EPC2: variants seen among roughly 807,000 people sequenced by gnomAD.
EPC2 encodes the protein enhancer of polycomb 2, also known as enhancer of polycomb homolog 2.
EPC2 carries 14 observed loss-of-function variants against 92.1 expected under a neutral mutation model. The ratio of observed to expected loss-of-function variants is 0.15; its 90% CI spans 0.10 to 0.24. EPC2 has a LOEUF of 0.24. Among genes scored for constraint, EPC2 ranks in the 10% least tolerant of loss-of-function variants. The probability of loss-of-function intolerance (pLI) is 1.00; values close to 1 mark genes in which losing one functional copy is unlikely to be tolerated. For missense variants in EPC2, 755 were observed against 971.5 expected, an observed-to-expected ratio of 0.78 and a Z score of 2.96; for synonymous variants, 340 against 334.7, an observed-to-expected ratio of 1.02 and a Z score of -0.17.
intron 1 of EPC2, among the ~76,000 whole-genome samples, chr2:148,678,405 C>T (rs976003387): frequency 6.6e-6 from 1 of 152,246 alleles, no homozygotes; most frequent in African/African-American, 2.4e-5. Context: ...CACCCGCATT[C>T]CTCAGCCCTT....
rs61215161 is a variant in EPC2, at chr2:148,717,193, A to AT, written c.314-26409dup. The stretch of plus-strand genomic sequence containing the variant: ...AAAAAAACAACTCCTGGATTCATTG[A>AT]TTTTTTTTTTTTTTTTTTTTGAGGA... On this transcript the variant is annotated intron_variant, in intron 2 of 13. Coordinates refer to ENST00000258484, the MANE Select transcript of EPC2 (RefSeq NM_015630.4). 5.8e-3 allele frequency among the ~76,000 whole-genome samples: 588 copies of AT among 100,866 alleles called. 8 individuals carry two copies. Among genetic ancestry groups the AT allele is most frequent in the East Asian group, 0.025 (90 of 3,632 alleles). 66.2% of individuals were successfully genotyped at this position (100,866 alleles called of 152,430 possible). A position where few individuals can be genotyped will look rare whatever the true frequency, so the allele number is the denominator to read the frequency against.
At chr2:148,786,203 T>G in intron 13 of EPC2, 102 bp from the exon 14 acceptor site, 1 of 964,492 alleles carries the variant, frequency 1.0e-6, no homozygotes, top group Non-Finnish European at 1.6e-6. Flanking sequence ...GAAGTCATGT[T>G]TAGTTGTAAT....
intron 10 of EPC2, among the ~76,000 whole-genome samples, chr2:148,775,315 C>A (rs559177702): frequency 3.9e-4 from 59 of 152,044 alleles, no homozygotes; most frequent in African/African-American, 1.4e-3. Context: ...ATAGCACATG[C>A]AAATATTACA....
chr2:148,750,881 G>A (rs1405360580), intron 3 of EPC2, among the ~76,000 whole-genome samples: 1 of 152,132 alleles, frequency 6.6e-6, no homozygotes, highest in Non-Finnish European at 1.5e-5. Flanking sequence ...TAAAAAAGAA[G>A]TTGTGTAGCA....
rs1184327238 is a variant in EPC2, at chr2:148,740,570, C to A, written c.314-3052C>A. Reference sequence around the variant, plus strand: ...TATTTCCCAGCTTTTCTTGTTCCTTCCCCTGCCTCACAAGCTGGGGTGCTG... The same window carrying A: ...TATTTCCCAGCTTTTCTTGTTCCTTACCCTGCCTCACAAGCTGGGGTGCTG... On this transcript the variant is annotated intron_variant, in intron 2 of 13. Coordinates refer to ENST00000258484, the MANE Select transcript of EPC2 (RefSeq NM_015630.4). Among the ~76,000 whole-genome samples, 9 of 152,200 alleles carry A rather than the reference C, an allele frequency of 5.9e-5. No individual in the cohort carries two copies. The South Asian group carries it at 1.7e-3, about 28-fold the overall frequency.
At chr2:148,646,836 G>A (rs971928837) in intron 1 of EPC2, among the ~76,000 whole-genome samples, 1 of 152,062 alleles carries the variant, frequency 6.6e-6, no homozygotes, top group Non-Finnish European at 1.5e-5. Context: ...TCTAGGCCGG[G>A]CACGGTGGGT....
chr2:148,684,953 A>T (rs1386550796), intron 1 of EPC2, among the ~76,000 whole-genome samples: 1 of 152,132 alleles, frequency 6.6e-6, no homozygotes, highest in East Asian at 1.9e-4. Context: ...GTCTCATAAA[A>T]TTTTTTAAAC....
intron 2 of EPC2, among the ~76,000 whole-genome samples, chr2:148,733,954 AATT>A (rs1682699075): frequency 6.6e-6 from 1 of 152,190 alleles, no homozygotes; most frequent in South Asian, 2.1e-4. Flanking sequence ...CCAAAGAAAT[AATT>A]AGAATCCACT....
chr2:148,783,497 A>G (rs1683797025), intron 11 of EPC2, 100 bp from the exon 12 acceptor site: 1 of 1,109,510 alleles, frequency 9.0e-7, no homozygotes, highest in Non-Finnish European at 1.3e-6. Context: ...TAATTGTTCA[A>G]GGTTAGAAAG....
chr2:148,786,419 C>T lies in EPC2; in HGVS notation c.*42C>T. The T allele has an allele frequency of 6.6e-7, 1 of 1,506,422 alleles. No individual in the cohort carries two copies. The highest frequency in any genetic ancestry group is 9.1e-7 in the Non-Finnish European group (1 of 1,095,192). The allele number at this position is 1,506,422 out of a possible 1,614,324, so 93.3% of individuals were successfully genotyped here. ...CTGACCTGTGCTGATGGTGTGCAGT[C>T]ATTCATATTCCAGCTGAATGCAAAA... On this transcript the variant is annotated 3_prime_UTR_variant, in exon 14 of 14. Coordinates refer to ENST00000258484, the MANE Select transcript of EPC2 (RefSeq NM_015630.4).
chr2:148,758,787 G>T (rs1406309951), intron 4 of EPC2, among the ~76,000 whole-genome samples: 1 of 152,170 alleles, frequency 6.6e-6, no homozygotes, highest in Non-Finnish European at 1.5e-5. Context: ...AATATCAGCA[G>T]TAATGGGACA....
chr2:148,645,000 C>A lies in EPC2; in HGVS notation c.-18C>A. 1 of 1,547,052 alleles carries A rather than the reference C, an allele frequency of 6.5e-7. No individual in the cohort carries two copies. Among genetic ancestry groups the A allele is most frequent in the Non-Finnish European group, 8.7e-7 (1 of 1,144,824 alleles). On this transcript the variant is annotated 5_prime_UTR_variant, in exon 1 of 14. It adds an upstream start codon to the 5' untranslated region. Transcript: ENST00000258484. ...CCCGCCGCCGCCGCCCGGGCTGTTC[C>A]TGTAAGGCGGGGAGACAATGAGTAA... is the stretch of plus-strand genomic sequence containing the variant.
chr2:148,696,075 A>G (rs920902715), intron 2 of EPC2, among the ~76,000 whole-genome samples: 12 of 152,224 alleles, frequency 7.9e-5, no homozygotes, highest in African/African-American at 2.9e-4. Context: ...GAGTGTGGAC[A>G]TGGGCTGAAA....
At chr2:148,691,903 T>C in intron 2 of EPC2, 1 of 509,376 alleles carries the variant, frequency 2.0e-6, no homozygotes, top group African/African-American at 1.9e-5. Flanking sequence ...TCTATACTAA[T>C]ATTAACACAC....
rs185043379 is a variant in EPC2, at chr2:148,647,722, T to C, written c.153+2552T>C. On this transcript the variant is annotated intron_variant, in intron 1 of 13. Transcript: ENST00000258484. Reference sequence around the variant, plus strand: ...ATCTCAGCTCACTGCAACCTTCGCCTCCCGGGTTCAAGTGATTCTCCTGCC... The same window carrying C: ...ATCTCAGCTCACTGCAACCTTCGCCCCCCGGGTTCAAGTGATTCTCCTGCC... Among the ~76,000 whole-genome samples, 353 of 140,630 alleles carry C rather than the reference T, an allele frequency of 2.5e-3. 2 individuals are homozygous for C. Among genetic ancestry groups the C allele is most frequent in the Non-Finnish European group, 8.2e-4 (54 of 66,048 alleles). 92.3% of individuals were successfully genotyped at this position (140,630 alleles called of 152,430 possible). A position where few individuals can be genotyped will look rare whatever the true frequency, so the allele number is the denominator to read the frequency against.
chr2:148,698,906 T>G lies in EPC2; in HGVS notation c.313+8533T>G, dbSNP rs1191760811. 2.0e-5 allele frequency among the ~76,000 whole-genome samples: 3 copies of G among 151,552 alleles called. No individual in the cohort carries two copies. The East Asian group carries it at 5.8e-4, about 29-fold the overall frequency. On this transcript the variant is annotated intron_variant, in intron 2 of 13. Coordinates refer to ENST00000258484, the MANE Select transcript of EPC2 (RefSeq NM_015630.4). ...TTGTGGCTTTCGCTTTTTCACTGACTGTCATAGAGTAAGCATTTTTCCATT... is the reference window on the plus strand; with the variant it reads ...TTGTGGCTTTCGCTTTTTCACTGACGGTCATAGAGTAAGCATTTTTCCATT...
intron 1 of EPC2, among the ~76,000 whole-genome samples, chr2:148,655,282 A>G (rs374080921): frequency 6.6e-6 from 1 of 152,228 alleles, no homozygotes; most frequent in East Asian, 1.9e-4. Context: ...TTTGAGAATT[A>G]TGATCCAGGG....
chr2:148,717,431 G>A (rs1379875691), intron 2 of EPC2, among the ~76,000 whole-genome samples: 1 of 152,060 alleles, frequency 6.6e-6, no homozygotes, highest in Non-Finnish European at 1.5e-5. Context: ...AGAGATTCTG[G>A]TACATTGTAT....
At chr2:148,708,205 A>G (rs1682050260) in intron 2 of EPC2, among the ~76,000 whole-genome samples, 1 of 152,214 alleles carries the variant, frequency 6.6e-6, no homozygotes, top group African/African-American at 2.4e-5. Flanking sequence ...ATCAGAGAAT[A>G]CTATAAACCC....
Sources: gnomAD v4.1 joint callset for allele counts (sites outside exome capture counted in the v4.1 genomes callset) on GRCh38, gnomAD v4.1.1 for gene constraint, MANE v1.5 for transcripts, NCBI Gene and HGNC (gene_info 2026-07-23, HGNC 2026-07-21) for gene names.